Variants in ZNF236 observed in about 807,000 individuals in gnomAD.
ZNF236 encodes the protein zinc finger protein 236.
ZNF236 carries 50 observed loss-of-function variants against 191.2 expected under a neutral mutation model. That is an observed-to-expected ratio of 0.26 (90% CI 0.21 to 0.33). The LOEUF (loss-of-function observed/expected upper bound fraction) is 0.33, where lower values mean the gene tolerates loss of function less well. ZNF236 is among the 10% of genes least tolerant of loss of function. The pLI is 1.00. For synonymous variants in ZNF236, 907 were observed against 928.8 expected (o/e 0.98, Z 0.43); for missense variants, 1,754 against 2,374.5 (o/e 0.74, Z 5.43).
chr18:76,892,915 A>G (rs1977292008), intron 9 of ZNF236, among the ~76,000 whole-genome samples: 1 of 152,356 alleles, frequency 6.6e-6, no homozygotes, highest in African/African-American at 2.4e-5. Flanking sequence ...AAAGCTTGCC[A>G]TGTGGGATTG....
intron 1 of ZNF236, among the ~76,000 whole-genome samples, chr18:76,841,388 G>A (rs1975497567): frequency 6.6e-6 from 1 of 152,182 alleles, no homozygotes; most frequent in Non-Finnish European, 1.5e-5. Flanking sequence ...ATCTGTTCTT[G>A]GAAAACAGTC....
Position 76,969,098 on chromosome 18 carries a change from A to G in ZNF236, c.*759A>G. The G allele has an allele frequency of 1.7e-6, 1 of 575,560 alleles. No individual in the cohort carries two copies. Among genetic ancestry groups the G allele is most frequent in the South Asian group, 7.5e-5 (1 of 13,312 alleles). 35.7% of individuals were successfully genotyped at this position (575,560 alleles called of 1,614,324 possible). On this transcript the variant is annotated 3_prime_UTR_variant, in exon 31 of 31. Transcript: ENST00000320610. The stretch of plus-strand genomic sequence containing the variant: ...CAGGGTTACATAATTGCAGAAGCAC[A>G]AGCCATACATCGCAGGTAGGAAACC...
rs563779915 is a variant in ZNF236 at position 76,829,570 on chromosome 18, C to A, written c.55+6908C>A. Among the ~76,000 whole-genome samples the A allele has an allele frequency of 2.6e-5, 4 of 152,306 alleles. No homozygotes were observed. The East Asian group carries it at 7.7e-4, about 29-fold the overall frequency. On this transcript the variant is annotated intron_variant, in intron 1 of 30. Transcript: ENST00000320610. The stretch of plus-strand genomic sequence containing the variant: ...CTCAACTTCCTGGACTCAAGCTATC[C>A]CCTGCCTTAGCCTCCCAAAGTGTTG...
At position 76,959,733 on chromosome 18, in the gene ZNF236, A is replaced by G; in HGVS notation, c.5159A>G (p.Lys1720Arg). 6.2e-7 allele frequency: 1 copy of G among 1,614,028 alleles called. No homozygotes were observed. The highest frequency in any genetic ancestry group is 8.5e-7 in the Non-Finnish European group (1 of 1,179,974). Reference sequence around the variant, plus strand: ...GCCGGCCCCTCTTTGAGCTCCCAGAAGCCAAGAGTGTTTAAATGTGACACT... The same window carrying G: ...GCCGGCCCCTCTTTGAGCTCCCAGAGGCCAAGAGTGTTTAAATGTGACACT... ...HQAGPSLSSQ[K>R]PRVFKCDTCE... The change falls in exon 29 of 31, where the codon AAG becomes AGG. Residue 1720 changes from lysine (K) to arginine (R), a missense_variant. This residue lies in a region of ZNF236 where 606 missense variants were observed against 761.5 expected (regional missense o/e 0.80). Coordinates refer to ENST00000320610, the MANE Select transcript of ZNF236 (RefSeq NM_001306089.2).
intron 25 of ZNF236, among the ~76,000 whole-genome samples, chr18:76,933,284 C>A (rs1355063581): frequency 1.3e-5 from 2 of 152,152 alleles, no homozygotes; most frequent in Non-Finnish European, 2.9e-5. Flanking sequence ...GCCTGGCCAT[C>A]ATGGTGAAAC....
At chr18:76,911,965 T>A (rs1226890142) in intron 16 of ZNF236, among the ~76,000 whole-genome samples, 3 of 152,210 alleles carry the variant, frequency 2.0e-5, no homozygotes, top group Non-Finnish European at 2.9e-5. Context: ...GAAAGAGGAA[T>A]CTCTTATTAA....
In ZNF236 at chr18:76,868,750, G is replaced by A. The variant is rs1460434468; in HGVS notation, c.429G>A (p.Glu143=). ...AGAGTCAGCTGGCCGTGCACATGGAGGAGCACCGCCAGGAGCTGGCTGGAA... is the reference window on the plus strand; with the variant it reads ...AGAGTCAGCTGGCCGTGCACATGGAAGAGCACCGCCAGGAGCTGGCTGGAA... ...TLQSQLAVHM[E]EHRQELAGTR... is the part of the protein sequence containing the mutation. Residue 143 remains glutamate, a synonymous_variant, in exon 4 of 31, where the codon GAG becomes GAA. Transcript: ENST00000320610. 6.2e-7 allele frequency: 1 copy of A among 1,613,940 alleles called. No individual in the cohort carries two copies. The highest frequency in any genetic ancestry group is 1.7e-5 in the Admixed American group (1 of 60,018).
chr18:76,938,658 G>A (rs553776526), intron 26 of ZNF236, among the ~76,000 whole-genome samples: 59 of 152,282 alleles, frequency 3.9e-4, no homozygotes, highest in African/African-American at 1.3e-3. Context: ...TTGGCAAATA[G>A]GCTTTGCCTA....
Position 76,925,497 on chromosome 18 carries a change from C to G in ZNF236, c.3970C>G (p.Gln1324Glu), listed in dbSNP as rs1967650639. Residue 1324 changes from glutamine to glutamate, a missense_variant, in exon 22 of 31, where the codon CAG (glutamine) becomes GAG (glutamate). By Grantham distance (29) the Gln-to-Glu change is conservative (BLOSUM62 2). This residue lies in a region of ZNF236 where 606 missense variants were observed against 761.5 expected (regional missense o/e 0.80). Coordinates refer to ENST00000320610, the MANE Select transcript of ZNF236 (RefSeq NM_001306089.2). This position sits in a 1 kb window ranked among gnomAD's most constrained non-coding sequence, Gnocchi z 5.7. Reference protein sequence around the residue: ...NNSVLTGQFDQNLLQPGLVGQ... With the variant: ...NNSVLTGQFDENLLQPGLVGQ... ...CTCTGTTCTAACAGGACAGTTTGAT[C>G]AGAATCTGCTGCAACCAGGACTGGT... 1.2e-6 allele frequency: 2 copies of G among 1,614,032 alleles called. No homozygotes were observed. Among genetic ancestry groups the G allele is most frequent in the South Asian group, 2.2e-5 (2 of 91,086 alleles).
intron 25 of ZNF236, chr18:76,931,226 C>A (rs1967836419): frequency 6.6e-6 from 1 of 152,140 alleles, no homozygotes; most frequent in South Asian, 2.1e-4. Flanking sequence ...TTGAGCTCTT[C>A]AGGCACACAG....
intron 3 of ZNF236, among the ~76,000 whole-genome samples, chr18:76,855,331 T>C (rs143492586): frequency 1.7e-3 from 263 of 152,370 alleles, no homozygotes; most frequent in African/African-American, 5.9e-3. Flanking sequence ...GAGAAGGCTA[T>C]AGAGAGCAAA....
chr18:76,940,198 G>C (rs1220488730), intron 26 of ZNF236, among the ~76,000 whole-genome samples: 1 of 146,246 alleles, frequency 6.8e-6, no homozygotes, highest in Non-Finnish European at 1.5e-5. Flanking sequence ...GGCTACCCTA[G>C]CACTGCATTT....
intron 3 of ZNF236, among the ~76,000 whole-genome samples, chr18:76,867,422 C>G (rs2122588611): frequency 6.6e-6 from 1 of 151,994 alleles, no homozygotes; most frequent in Middle Eastern, 3.4e-3. Context: ...TTTTCTTTGT[C>G]TTTTTCTGCA....
intron 3 of ZNF236, among the ~76,000 whole-genome samples, chr18:76,853,090 T>TC (rs1975929206): frequency 2.0e-5 from 3 of 152,220 alleles, no homozygotes; most frequent in African/African-American, 7.2e-5. Flanking sequence ...TTTTGTTTTT[T>TC]TTTTTGAGAT....
intron 11 of ZNF236, among the ~76,000 whole-genome samples, chr18:76,903,411 G>A (rs1272618301): frequency 1.3e-5 from 2 of 152,216 alleles, no homozygotes; most frequent in South Asian, 2.1e-4. Flanking sequence ...GGGAGAAGTG[G>A]GCTTTAGGGG....
intron 7 of ZNF236, among the ~76,000 whole-genome samples, chr18:76,878,939 T>G (rs1278696231): frequency 6.6e-6 from 1 of 152,224 alleles, no homozygotes; most frequent in African/African-American, 2.4e-5. Context: ...TTTTTTCTTT[T>G]CTTTTTTCAT....
intron 3 of ZNF236, among the ~76,000 whole-genome samples, chr18:76,865,021 T>G (rs1024802239): frequency 2.6e-5 from 4 of 152,066 alleles, no homozygotes. Flanking sequence ...AATAATTACT[T>G]TAAATGTAAG....
intron 1 of ZNF236, among the ~76,000 whole-genome samples, chr18:76,845,093 G>A (rs1975636352): frequency 6.6e-6 from 1 of 152,260 alleles, no homozygotes; most frequent in South Asian, 2.1e-4. Context: ...ATTCTATTTA[G>A]AATATTTATG....
At chr18:76,876,500 C>G (rs959124328) in intron 6 of ZNF236, among the ~76,000 whole-genome samples, 2 of 152,068 alleles carry the variant, frequency 1.3e-5, no homozygotes, top group Non-Finnish European at 2.9e-5. Context: ...TAGAAGCTGT[C>G]TTTGATCTTA....
Sources: gnomAD v4.1 joint callset for allele counts (sites outside exome capture counted in the v4.1 genomes callset) on GRCh38, gnomAD v4.1.1 for gene constraint, gnomAD v4.1.1 regional missense constraint, Gnocchi (gnomAD v3.1) non-coding constraint, MANE v1.5 for transcripts, NCBI Gene and HGNC (gene_info 2026-07-23, HGNC 2026-07-21) for gene names.